The following LARGE1 variants were observed in gnomAD, a reference collection of about 807,000 sequenced individuals.
The protein encoded by LARGE1 is xylosyl- and glucuronyltransferase LARGE1.
A neutral mutation model predicts 87.6 loss-of-function variants in LARGE1; 43 were observed. The ratio of observed to expected loss-of-function variants is 0.49; its 90% confidence interval spans 0.38 to 0.63. The LOEUF is 0.63. Ranked by LOEUF, LARGE1 falls within the 30% of genes least tolerant of loss-of-function variation. The pLI, the probability that LARGE1 is intolerant of heterozygous loss-of-function variation, is 0.00. For missense variants in LARGE1, 802 were observed against 1,000.2 expected, an observed-to-expected ratio of 0.80 and a Z score of 2.67; for synonymous variants, 434 against 394.6, an observed-to-expected ratio of 1.10 and a Z score of -1.18.
At chr22:33,450,847 G>A (rs1368266210) in intron 6 of LARGE1, among the ~76,000 whole-genome samples, 6 of 152,096 alleles carry the variant, frequency 3.9e-5, no homozygotes, top group Non-Finnish European at 8.8e-5. Flanking sequence ...GGAAATGAAG[G>A]TTGCTGAAAT....
intron 2 of LARGE1, among the ~76,000 whole-genome samples, chr22:33,716,946 C>A (rs113838726): frequency 6.6e-6 from 1 of 152,154 alleles, no homozygotes; most frequent in Non-Finnish European, 1.5e-5. Context: ...ACCAAGATCT[C>A]GTTACATATC....
chr22:33,304,354 G>A lies in LARGE1; in HGVS notation c.1605C>T (p.Tyr535=). 1.2e-6 allele frequency: 2 copies of A among 1,614,274 alleles called. No individual in the cohort carries two copies. Among genetic ancestry groups the A allele is most frequent in the Non-Finnish European group, 1.7e-6 (2 of 1,180,048 alleles). ...SRHNVGYHIV[Y]KEGQFYPVNL... ...TCACGGGGTAGAACTGGCCCTCCTTGTACACGATGTGGTAGCCCACGTTGT... is the reference window on the plus strand; with the variant it reads ...TCACGGGGTAGAACTGGCCCTCCTTATACACGATGTGGTAGCCCACGTTGT... The change falls in exon 12 of 15, where the codon TAC becomes TAT. Residue 535 remains tyrosine, a synonymous_variant. Coordinates refer to ENST00000397394, the MANE Select transcript of LARGE1 (RefSeq NM_133642.5).
intron 12 of LARGE1, among the ~76,000 whole-genome samples, chr22:33,286,746 G>A (rs1193275305): frequency 1.3e-5 from 2 of 152,144 alleles, no homozygotes; most frequent in Admixed American, 6.5e-5. Context: ...ATATATACAC[G>A]ATGGATACAG....
chr22:33,659,896 T>C (rs1411019705), intron 2 of LARGE1, among the ~76,000 whole-genome samples: 1 of 152,124 alleles, frequency 6.6e-6, no homozygotes, highest in African/African-American at 2.4e-5. Context: ...CCAAGAACGT[T>C]AGCTTAAAGA....
chr22:33,815,389 T>C (rs763615948), intron 1 of LARGE1, among the ~76,000 whole-genome samples: 1 of 152,236 alleles, frequency 6.6e-6, no homozygotes, highest in Non-Finnish European at 1.5e-5. Context: ...GAAGCCTTCA[T>C]GCAAACCTCA....
At position 33,521,674 on chromosome 22, in the gene LARGE1, T is replaced by C. The variant is rs576850219; in HGVS notation, c.787+43174A>G. 4.6e-5 allele frequency among the ~76,000 whole-genome samples: 7 copies of C among 152,298 alleles called. No individual in the cohort carries two copies. In the South Asian group the frequency reaches 6.2e-4, roughly 14 times the overall value. On this transcript the variant is annotated intron_variant, in intron 6 of 14. Transcript: ENST00000397394. ...CCGATGTAGGCAGGGGAAAAACTTG[T>C]GGCCATTTTTTGCAAACACATATAC...
intron 1 of LARGE1, among the ~76,000 whole-genome samples, chr22:33,880,847 C>T (rs529844388): frequency 7.0e-4 from 107 of 152,296 alleles, no homozygotes; most frequent in African/African-American, 2.4e-3. Flanking sequence ...TGTGCCCATT[C>T]TGTGGACAGC....
At chr22:33,135,305 T>G in the LARGE1 span, among the ~76,000 whole-genome samples, 9,695 of 152,248 alleles carry the variant, frequency 0.064, 318 homozygotes, top group Middle Eastern at 0.14. Context: ...TCTAATAGAA[T>G]AGTCACTGGA....
chr22:33,669,032 C>T (rs557462056), intron 2 of LARGE1, among the ~76,000 whole-genome samples: 4 of 152,344 alleles, frequency 2.6e-5, no homozygotes, highest in South Asian at 2.1e-4. Flanking sequence ...CCTCAGGCTA[C>T]GTTACTGGCA....
chr22:33,905,937 G>C (rs5999138), intron 1 of LARGE1, among the ~76,000 whole-genome samples: 2,055 of 152,090 alleles, frequency 0.014, 65 homozygotes, highest in African/African-American at 0.047. Flanking sequence ...CGAGACCAGC[G>C]TGACCAACAA....
chr22:33,450,608 TAAATAAA>T lies in LARGE1; in HGVS notation c.788-18350_788-18344del, dbSNP rs1213091697. ...GGCAACAAAGCAAGATTCTGTTAAA[TAAATAAA>T]TAAATAAATAAATAAATAAATAAAT... On this transcript the variant is annotated intron_variant, in intron 6 of 14. Coordinates refer to ENST00000397394, the MANE Select transcript of LARGE1 (RefSeq NM_133642.5). 4.1e-3 allele frequency among the ~76,000 whole-genome samples: 168 copies of T among 40,772 alleles called. No homozygotes were observed. In the African/African-American group the frequency reaches 0.042, roughly 10 times the overall value. The allele number at this position is 40,772 out of a possible 152,430, so 26.7% of individuals were successfully genotyped here.
chr22:33,516,249 G>T (rs974578909), intron 6 of LARGE1, among the ~76,000 whole-genome samples: 11 of 152,124 alleles, frequency 7.2e-5, no homozygotes, highest in Admixed American at 1.3e-4. Flanking sequence ...CACAAAGCAG[G>T]CAAGGCAGAT....
intron 6 of LARGE1, among the ~76,000 whole-genome samples, chr22:33,478,974 A>C (rs1362129382): frequency 6.6e-6 from 1 of 152,172 alleles, no homozygotes; most frequent in Non-Finnish European, 1.5e-5. Flanking sequence ...GTTGACACCA[A>C]GGATTTTTAC....
chr22:33,089,353 T>C, the LARGE1 span, among the ~76,000 whole-genome samples: 225 of 112,322 alleles, frequency 2.0e-3, 1 homozygote, highest in African/African-American at 6.6e-3. Context: ...TTCTTCTTCT[T>C]CTTCTTCTTC....
At chr22:33,200,491 C>T (rs1924322834) in intron 11 of LARGE1, among the ~76,000 whole-genome samples, 2 of 152,096 alleles carry the variant, frequency 1.3e-5, no homozygotes, top group Admixed American at 6.6e-5. Context: ...CACTCCTAGG[C>T]ATATACCCAA....
the LARGE1 span, among the ~76,000 whole-genome samples, chr22:33,089,321 T>TTTCTTCTTTCTTCTTCTTCTTCTTCTTC: frequency 1.1e-5 from 1 of 87,094 alleles, no homozygotes; most frequent in East Asian, 8.8e-4. Context: ...TTCTTTCTTC[T>TTTCTTCTTTCTTCTTCTTCTTCTTCTTC]TTCTTCTTCT....
intron 2 of LARGE1, among the ~76,000 whole-genome samples, chr22:33,705,959 G>A (rs2082549868): frequency 6.6e-6 from 1 of 152,160 alleles, no homozygotes; most frequent in African/African-American, 2.4e-5. Flanking sequence ...GAAAGAATTG[G>A]AGCTCGGAAA....
At position 33,544,694 on chromosome 22, in the gene LARGE1, C is replaced by A. The variant is rs2283910; in HGVS notation, c.787+20154G>T. ...CAAGACCCTGTCTCAAAACAACAAC[C>A]ACAACAACAACAACAACAACGAGTA... On this transcript the variant is annotated intron_variant, in intron 6 of 14. Coordinates refer to ENST00000397394, the MANE Select transcript of LARGE1 (RefSeq NM_133642.5). Among the ~76,000 whole-genome samples the A allele has an allele frequency of 7.8e-4, 106 of 136,622 alleles. 1 individual carries two copies. The highest frequency in any genetic ancestry group is 7.2e-3 in the Middle Eastern group (2 of 276). The allele number at this position is 136,622 out of a possible 152,430, so 89.6% of individuals were successfully genotyped here. A position where few individuals can be genotyped will look rare whatever the true frequency, so the allele number is the denominator to read the frequency against.
At position 33,814,111 on chromosome 22, in the gene LARGE1, A is replaced by G. The variant is rs189078907; in HGVS notation, c.-82-52553T>C. Among the ~76,000 whole-genome samples the G allele has an allele frequency of 9.2e-5, 14 of 152,316 alleles. No individual in the cohort carries two copies. The East Asian group carries it at 2.3e-3, about 25-fold the overall frequency. ...CGTCTCCAAAATTAATATCCTTTCC[A>G]TGACATAGTATTCACTCTTGTTCGA... is the stretch of plus-strand genomic sequence containing the variant. On this transcript the variant is annotated intron_variant, in intron 1 of 14. Transcript: ENST00000397394.
Sources: allele counts gnomAD v4.1 joint callset (sites outside exome capture counted in the v4.1 genomes callset), GRCh38; gene constraint gnomAD v4.1.1; transcripts MANE v1.5; gene names NCBI Gene and HGNC (gene_info 2026-07-23, HGNC 2026-07-21).